The following PFKFB3 variants were observed in gnomAD, a reference collection of about 807,000 sequenced individuals.
PFKFB3 encodes 6-phosphofructo-2-kinase/fructose-2,6-biphosphatase 3, also known as 6-phosphofructo-2-kinase/fructose-2,6-bisphosphatase 3.
A neutral mutation model predicts 68.0 loss-of-function variants in PFKFB3; 33 were observed. That is an observed-to-expected ratio of 0.49 (90% CI 0.37 to 0.65). The LOEUF (loss-of-function observed/expected upper bound fraction) is 0.65. Ranked by LOEUF, PFKFB3 falls within the 30% of genes least tolerant of loss-of-function variation. The pLI, the probability that PFKFB3 is intolerant of heterozygous loss-of-function variation, is 0.00. For synonymous variants in PFKFB3, 315 were observed against 288.2 expected (o/e 1.09, Z -0.94); for missense variants, 586 against 712.2 (o/e 0.82, Z 2.02).
At chr10:6,300,172 C>T in the PFKFB3 span, among the ~76,000 whole-genome samples, 2 of 151,820 alleles carry the variant, frequency 1.3e-5, no homozygotes, top group Admixed American at 1.3e-4. Context: ...ATGCGAGTCA[C>T]TCCAGGGCAG....
the PFKFB3 span, among the ~76,000 whole-genome samples, chr10:6,277,124 A>G: frequency 1.6e-4 from 25 of 152,296 alleles, no homozygotes; most frequent in African/African-American, 5.5e-4. Flanking sequence ...GTCCCCGCCC[A>G]GATCTCATGT....
At chr10:6,189,136 G>T (rs1463267591) in intron 1 of PFKFB3, among the ~76,000 whole-genome samples, 1 of 152,160 alleles carries the variant, frequency 6.6e-6, no homozygotes, top group Non-Finnish European at 1.5e-5. Flanking sequence ...ACCGCACCTG[G>T]CGATTTCCTT....
intron 2 of PFKFB3, among the ~76,000 whole-genome samples, chr10:6,214,474 TC>T (rs1284168675): frequency 6.6e-6 from 1 of 151,818 alleles, no homozygotes; most frequent in Non-Finnish European, 1.5e-5. Context: ...TGCTTGGTCT[TC>T]CCAACTAGAT....
In PFKFB3 at chr10:6,229,193, G is replaced by A. The variant is rs543665240; in HGVS notation, c.1515+2828G>A. 1.2e-4 allele frequency: 57 copies of A among 479,228 alleles called. 2 individuals are homozygous for A. The highest frequency in any genetic ancestry group is 7.0e-4 in the East Asian group (11 of 15,642). The allele number at this position is 479,228 out of a possible 1,614,324, so 29.7% of individuals were successfully genotyped here. A position where few individuals can be genotyped will look rare whatever the true frequency, so the allele number is the denominator to read the frequency against. ...GGAAATGGGAGAGGTTTGGCATGGC[G>A]CTCAGATTTTGGTGGCAAAGGGGTG... On this transcript the variant is annotated intron_variant, in intron 14 of 14. Coordinates refer to ENST00000379775, the MANE Select transcript of PFKFB3 (RefSeq NM_004566.4). The surrounding 1 kb of genome is among the most constrained non-coding windows in gnomAD (Gnocchi z 4.3).
At chr10:6,279,180 A>G in the PFKFB3 span, among the ~76,000 whole-genome samples, 3 of 152,378 alleles carry the variant, frequency 2.0e-5, no homozygotes, top group East Asian at 5.8e-4. Flanking sequence ...ATGAGGACAT[A>G]TCATTTATAT....
intron 1 of PFKFB3, among the ~76,000 whole-genome samples, chr10:6,204,232 G>C (rs11257249): frequency 6.6e-6 from 1 of 152,246 alleles, no homozygotes; most frequent in Non-Finnish European, 1.5e-5. Flanking sequence ...GAGGGGCGAC[G>C]CTGCCTCTCC....
intron 14 of PFKFB3, chr10:6,231,193 C>G (rs1007659774): frequency 3.6e-6 from 4 of 1,097,040 alleles, no homozygotes; most frequent in Non-Finnish European, 5.6e-6. Context: ...CTAGAAAATC[C>G]TACTAAAGAT....
chr10:6,250,766 T>C (rs1250935639), intron 14 of PFKFB3, among the ~76,000 whole-genome samples: 1 of 152,124 alleles, frequency 6.6e-6, no homozygotes, highest in Non-Finnish European at 1.5e-5. Context: ...ATCTTGGACT[T>C]CCTAGCCTCC....
chr10:6,253,977 G>C (rs1564237705), intron 14 of PFKFB3, among the ~76,000 whole-genome samples: 1 of 152,106 alleles, frequency 6.6e-6, no homozygotes, highest in Non-Finnish European at 1.5e-5. Flanking sequence ...CCAGGAGGAA[G>C]AGGTTGCAGT....
At chr10:6,291,071 T>C in the PFKFB3 span, among the ~76,000 whole-genome samples, 3 of 152,226 alleles carry the variant, frequency 2.0e-5, no homozygotes, top group South Asian at 2.1e-4. Flanking sequence ...AGAATAGGCA[T>C]AAATCAAAAA....
intron 1 of PFKFB3, among the ~76,000 whole-genome samples, chr10:6,210,631 A>ATCTCCTGACCTCT (rs1355909907): frequency 4.3e-4 from 2 of 4,696 alleles, no homozygotes; most frequent in South Asian, 8.1e-3. Flanking sequence ...GATAGTCTTG[A>ATCTCCTGACCTCT]TAGTGTTTTT....
At chr10:6,285,063 G>A in the PFKFB3 span, among the ~76,000 whole-genome samples, 2 of 152,058 alleles carry the variant, frequency 1.3e-5, no homozygotes, top group Non-Finnish European at 2.9e-5. Context: ...ACAAGTATCT[G>A]CTTAGCCTCC....
chr10:6,190,342 C>T (rs577418291), intron 1 of PFKFB3, among the ~76,000 whole-genome samples: 5 of 152,324 alleles, frequency 3.3e-5, no homozygotes, highest in East Asian at 1.9e-4. Flanking sequence ...CTACAGATTC[C>T]GTCGTTCCTT....
rs1845847712 is a variant in PFKFB3, at chr10:6,233,133, A to T, written c.*191A>T. The T allele has an allele frequency of 1.8e-6, 1 of 569,706 alleles. No individual in the cohort carries two copies. Among genetic ancestry groups the T allele is most frequent in the Non-Finnish European group, 3.1e-6 (1 of 317,484 alleles). The allele number at this position is 569,706 out of a possible 1,614,324, so 35.3% of individuals were successfully genotyped here. On this transcript the variant is annotated 3_prime_UTR_variant, in exon 15 of 15. Transcript: ENST00000379775. Reference sequence around the variant, plus strand: ...CTCGGCCGCTGGACACCAGAAAGCCACGTGGGTCCCTGGCGCCCTGCCTTT... The same window carrying T: ...CTCGGCCGCTGGACACCAGAAAGCCTCGTGGGTCCCTGGCGCCCTGCCTTT...
intron 1 of PFKFB3, among the ~76,000 whole-genome samples, chr10:6,204,341 G>T (rs1227172912): frequency 1.3e-5 from 2 of 152,272 alleles, no homozygotes; most frequent in African/African-American, 4.8e-5. Flanking sequence ...TGGGATCCAG[G>T]TGCAAACTCT....
intron 1 of PFKFB3, among the ~76,000 whole-genome samples, chr10:6,189,398 T>C (rs536274744): frequency 6.6e-6 from 1 of 152,304 alleles, no homozygotes; most frequent in African/African-American, 2.4e-5. Flanking sequence ...TATTTAGAAC[T>C]TGGGTCCATC....
chr10:6,213,891 G>A, intron 2 of PFKFB3, 143 bp downstream of exon 2: 1 of 829,380 alleles, frequency 1.2e-6, no homozygotes. Flanking sequence ...ATGCAGCTGG[G>A]TCCCCTTCAC....
intron 7 of PFKFB3, 90 bp downstream of exon 7, chr10:6,219,783 A>G: frequency 6.9e-7 from 1 of 1,444,708 alleles, no homozygotes; most frequent in Middle Eastern, 2.5e-4. Context: ...GCTCCTGGAT[A>G]CCTTTAAAAA....
At chr10:6,175,628 G>A (rs1842441557) in intron 1 of PFKFB3, among the ~76,000 whole-genome samples, 1 of 152,232 alleles carries the variant, frequency 6.6e-6, no homozygotes, top group Admixed American at 6.5e-5. Flanking sequence ...CAAAGTCACT[G>A]TAGAGAAAGA....
Sources: allele counts gnomAD v4.1 joint callset (sites outside exome capture counted in the v4.1 genomes callset), GRCh38; gene constraint gnomAD v4.1.1; non-coding constraint Gnocchi (gnomAD v3.1); transcripts MANE v1.5; gene names NCBI Gene and HGNC (gene_info 2026-07-23, HGNC 2026-07-21).